The following NEO1 variants were observed in gnomAD, a reference collection of about 807,000 sequenced individuals.
NEO1 encodes neogenin 1, also known as neogenin.
NEO1 carries 63 observed loss-of-function variants against 159.7 expected under a neutral mutation model. The observed-to-expected ratio is 0.39, with a 90% CI of 0.32 to 0.49. The LOEUF is 0.49. NEO1 is among the 20% of genes least tolerant of loss of function. The probability of loss-of-function intolerance (pLI) is 0.85; values close to 1 mark genes in which losing one functional copy is unlikely to be tolerated. For missense variants in NEO1, 1,615 were observed against 1,831.0 expected (o/e 0.88, Z 2.15); for synonymous variants, 633 against 662.0 (o/e 0.96, Z 0.67).
At chr15:73,176,632 G>A in intron 6 of NEO1, 75 bp downstream of exon 6, 1 of 1,168,860 alleles carries the variant, frequency 8.6e-7, no homozygotes, top group Non-Finnish European at 1.2e-6. Context: ...CGAGAGATCA[G>A]TTATCTTATA....
intron 15 of NEO1, among the ~76,000 whole-genome samples, chr15:73,263,784 A>T (rs2040755673): frequency 6.6e-6 from 1 of 152,208 alleles, no homozygotes; most frequent in South Asian, 2.1e-4. Flanking sequence ...AGTAACCTTT[A>T]GCTTTTTCCT....
chr15:73,233,116 G>C (rs909213371), intron 7 of NEO1, among the ~76,000 whole-genome samples: 2 of 152,152 alleles, frequency 1.3e-5, no homozygotes, highest in African/African-American at 4.8e-5. Context: ...ATTGATGCTA[G>C]TGTAACTTAA....
intron 1 of NEO1, among the ~76,000 whole-genome samples, chr15:73,099,220 CTCTTT>C (rs2070262251): frequency 6.6e-6 from 1 of 152,132 alleles, no homozygotes; most frequent in Non-Finnish European, 1.5e-5. Flanking sequence ...GAGGTTTCCC[CTCTTT>C]TCTTCAATAT....
intron 7 of NEO1, among the ~76,000 whole-genome samples, chr15:73,195,690 C>T (rs2036497233): frequency 6.6e-6 from 1 of 152,098 alleles, no homozygotes; most frequent in Non-Finnish European, 1.5e-5. Flanking sequence ...TGTATCTGAA[C>T]ATTGTAGACC....
intron 2 of NEO1, among the ~76,000 whole-genome samples, chr15:73,117,688 T>G (rs1025561186): frequency 8.5e-5 from 13 of 152,218 alleles, no homozygotes; most frequent in Admixed American, 8.5e-4. Context: ...CAGAGTATAT[T>G]TGCTTATACA....
intron 6 of NEO1, 138 bp from the exon 7 acceptor site, chr15:73,178,169 A>G (rs2035392920): frequency 2.6e-6 from 2 of 772,418 alleles, no homozygotes; most frequent in Non-Finnish European, 4.0e-6. Context: ...TGAGTTAACA[A>G]GTACTTGGAT....
rs79003483 is a variant in NEO1, at chr15:73,202,504, T to A, written c.1291+24077T>A. ...TTTCAATCCATTGCCCCTTTGTCCC[T>A]TTACAAGTTACCTTACCCAGAATTG... On this transcript the variant is annotated intron_variant, in intron 7 of 28. Transcript: ENST00000261908. 4.9e-3 allele frequency among the ~76,000 whole-genome samples: 746 copies of A among 152,274 alleles called. 11 individuals carry two copies. Among genetic ancestry groups the A allele is most frequent in the East Asian group, 0.048 (249 of 5,184 alleles).
intron 7 of NEO1, among the ~76,000 whole-genome samples, chr15:73,229,410 A>G (rs1224645000): frequency 6.8e-6 from 1 of 147,716 alleles, no homozygotes. Context: ...GTTGGTTTTC[A>G]TATCCTCCGA....
chr15:73,200,829 G>T (rs999897345), intron 7 of NEO1, among the ~76,000 whole-genome samples: 1 of 151,860 alleles, frequency 6.6e-6, no homozygotes, highest in Non-Finnish European at 1.5e-5. Context: ...GTCCACAGGT[G>T]TGTGCCACCA....
chr15:73,138,245 G>A (rs376079570), intron 5 of NEO1, among the ~76,000 whole-genome samples: 5 of 152,308 alleles, frequency 3.3e-5, no homozygotes, highest in African/African-American at 1.2e-4. Flanking sequence ...GTGTTGATTT[G>A]AGAAATCTGG....
intron 1 of NEO1, among the ~76,000 whole-genome samples, chr15:73,082,864 C>T (rs889067065): frequency 5.3e-5 from 8 of 152,112 alleles, no homozygotes; most frequent in Non-Finnish European, 1.0e-4. Context: ...AGAGTTCACC[C>T]TGGCTAGTGT....
chr15:73,081,226 TC>T (rs1404995488), intron 1 of NEO1, among the ~76,000 whole-genome samples: 1 of 152,198 alleles, frequency 6.6e-6, no homozygotes, highest in Non-Finnish European at 1.5e-5. Flanking sequence ...CATTTCATGT[TC>T]CCTTTACTTT....
At chr15:73,072,614 G>A (rs890975168) in intron 1 of NEO1, among the ~76,000 whole-genome samples, 1 of 152,130 alleles carries the variant, frequency 6.6e-6, no homozygotes, top group Non-Finnish European at 1.5e-5. Context: ...GTAAACAAGC[G>A]ATTTGTGCTT....
intron 7 of NEO1, among the ~76,000 whole-genome samples, chr15:73,207,248 CA>C (rs1165028066): frequency 6.6e-6 from 1 of 152,108 alleles, no homozygotes; most frequent in Non-Finnish European, 1.5e-5. Flanking sequence ...TACTTAAACA[CA>C]GTAAAGTAGA....
chr15:73,167,340 T>C (rs2034647616), intron 5 of NEO1, among the ~76,000 whole-genome samples: 1 of 151,978 alleles, frequency 6.6e-6, no homozygotes, highest in South Asian at 2.1e-4. Context: ...GACTCTAACT[T>C]CCTTGGCTAT....
intron 1 of NEO1, among the ~76,000 whole-genome samples, chr15:73,098,475 G>T (rs1477569717): frequency 2.0e-5 from 3 of 152,038 alleles, no homozygotes; most frequent in Admixed American, 6.6e-5. Context: ...ATGTGTGTGT[G>T]TTAATATCCT....
chr15:73,288,211 C>A, intron 23 of NEO1, 102 bp from the exon 24 acceptor site: 1 of 1,141,156 alleles, frequency 8.8e-7, no homozygotes, highest in Non-Finnish European at 1.3e-6. Context: ...GCTTTTTTTG[C>A]TTGAAACATC....
chr15:73,244,435 G>C lies in NEO1; in HGVS notation c.1543G>C (p.Ala515Pro). The change falls in exon 9 of 29, where the codon GCT becomes CCT. Residue 515 changes from alanine to proline, a missense_variant. Coordinates refer to ENST00000261908, the MANE Select transcript of NEO1 (RefSeq NM_002499.4). ...GACCGTGTACATCTTTAGAGTTATG[G>C]CTCAAAATAAGCATGGCTCAGGAGA... The part of the protein sequence containing the change: ...PATVYIFRVM[A>P]QNKHGSGESS... 6.2e-7 allele frequency: 1 copy of C among 1,613,926 alleles called. No individual in the cohort carries two copies. Among genetic ancestry groups the C allele is most frequent in the Non-Finnish European group, 8.5e-7 (1 of 1,179,918 alleles).
chr15:73,193,689 C>T (rs942406496), intron 7 of NEO1, among the ~76,000 whole-genome samples: 1 of 150,350 alleles, frequency 6.7e-6, no homozygotes. Flanking sequence ...CAACATATTC[C>T]ATGGTCACCC....
Sources: gnomAD v4.1 joint callset for allele counts (sites outside exome capture counted in the v4.1 genomes callset) on GRCh38, gnomAD v4.1.1 for gene constraint, MANE v1.5 for transcripts, NCBI Gene and HGNC (gene_info 2026-07-23, HGNC 2026-07-21) for gene names.